The following CALN1 variants were observed in gnomAD, a reference collection of about 807,000 sequenced individuals.
CALN1 encodes calneuron 1, also known as calcium-binding protein 8.
A neutral mutation model predicts 30.6 loss-of-function variants in CALN1; 17 were observed. That is an observed-to-expected ratio of 0.56 (90% CI 0.38 to 0.83). The LOEUF (loss-of-function observed/expected upper bound fraction) is 0.83. CALN1 is among the 40% of genes least tolerant of loss of function. The pLI is 0.00. For synonymous variants in CALN1, 156 were observed against 131.4 expected, an observed-to-expected ratio of 1.19 and a Z score of -1.28; for missense variants, 291 against 354.9, an observed-to-expected ratio of 0.82 and a Z score of 1.45.
At chr7:72,067,801 C>T (rs755894526) in intron 4 of CALN1, among the ~76,000 whole-genome samples, 4 of 134,278 alleles carry the variant, frequency 3.0e-5, no homozygotes, top group Non-Finnish European at 7.1e-5. Context: ...CCAGCAAGGG[C>T]TGACCTCAGA....
At chr7:72,082,882 G>T (rs1316358426) in intron 4 of CALN1, among the ~76,000 whole-genome samples, 2 of 152,142 alleles carry the variant, frequency 1.3e-5, no homozygotes, top group African/African-American at 2.4e-5. Context: ...GCAGTATCTG[G>T]CATTCAATCA....
intron 5 of CALN1, among the ~76,000 whole-genome samples, chr7:71,842,487 T>C (rs1183717914): frequency 3.3e-5 from 5 of 152,220 alleles, no homozygotes; most frequent in Admixed American, 3.3e-4. Context: ...GCTGATTTCT[T>C]CCTGGGATTC....
At chr7:71,955,733 C>G (rs1796926980) in intron 5 of CALN1, among the ~76,000 whole-genome samples, 2 of 152,066 alleles carry the variant, frequency 1.3e-5, no homozygotes, top group African/African-American at 4.8e-5. Flanking sequence ...TGTTCTGGAA[C>G]TCAGGAGATC....
Position 72,052,739 on chromosome 7 carries a change from T to G in CALN1, c.389-28970A>C, listed in dbSNP as rs566089347. Among the ~76,000 whole-genome samples, 5 of 152,270 alleles carry G rather than the reference T, an allele frequency of 3.3e-5. No homozygotes were observed. In the East Asian group the frequency reaches 7.8e-4, roughly 24 times the overall value. ...TCACTTCAGTCTCAGAAATGACAAC[T>G]CACCCCGTCTCAGTGACCAGAGACA... On this transcript the variant is annotated intron_variant, in intron 4 of 6. Transcript: ENST00000395275.
intron 4 of CALN1, among the ~76,000 whole-genome samples, chr7:72,086,635 T>C (rs545213419): frequency 3.9e-5 from 6 of 152,282 alleles, no homozygotes; most frequent in Admixed American, 2.6e-4. Context: ...GGTTTCAGCA[T>C]GTTGGTCAGG....
intron 3 of CALN1, among the ~76,000 whole-genome samples, chr7:72,225,955 G>T (rs1347856702): frequency 1.3e-5 from 2 of 151,994 alleles, no homozygotes; most frequent in East Asian, 2.0e-4. Flanking sequence ...AATTAGCCGG[G>T]TGTGGTGGCA....
chr7:72,374,111 G>T (rs1177047575), intron 2 of CALN1, among the ~76,000 whole-genome samples: 1 of 152,168 alleles, frequency 6.6e-6, no homozygotes, highest in Admixed American at 6.5e-5. Flanking sequence ...TAAAACAATT[G>T]CTAAACGAGG....
intron 4 of CALN1, among the ~76,000 whole-genome samples, chr7:72,048,786 CTCCT>C (rs1261893332): frequency 6.7e-6 from 1 of 150,140 alleles, no homozygotes; most frequent in Non-Finnish European, 1.5e-5. Context: ...CCCTCCCTTC[CTCCT>C]TCCTTTTTTC....
chr7:72,290,941 G>A (rs561901296), intron 2 of CALN1, among the ~76,000 whole-genome samples: 4 of 94,132 alleles, frequency 4.2e-5, no homozygotes, highest in African/African-American at 1.9e-4. Flanking sequence ...TTTTTTTTTT[G>A]AGACAGAGAT....
chr7:71,912,566 A>C (rs1794480259), intron 5 of CALN1, among the ~76,000 whole-genome samples: 1 of 152,168 alleles, frequency 6.6e-6, no homozygotes, highest in African/African-American at 2.4e-5. Flanking sequence ...GGAATTTTTA[A>C]AACAATCCAC....
At chr7:72,448,530 G>C (rs1210564423), upstream of CALN1, among the ~76,000 whole-genome samples, 2 of 152,018 alleles carry the variant, frequency 1.3e-5, no homozygotes, top group East Asian at 3.9e-4. Context: ...CCTCACAATA[G>C]CTCATTGCAC....
At chr7:71,862,059 G>A (rs1791318200) in intron 5 of CALN1, among the ~76,000 whole-genome samples, 1 of 152,148 alleles carries the variant, frequency 6.6e-6, no homozygotes, top group Non-Finnish European at 1.5e-5. Context: ...CTAAGACGTG[G>A]CCATCTCATC....
At chr7:72,031,868 A>G (rs530534246) in intron 4 of CALN1, among the ~76,000 whole-genome samples, 62 of 151,336 alleles carry the variant, frequency 4.1e-4, no homozygotes, top group Admixed American at 1.5e-3. Context: ...CAGCCTCCCA[A>G]GTAGCTGTGA....
At chr7:72,184,216 T>C (rs1167108911) in intron 3 of CALN1, among the ~76,000 whole-genome samples, 1 of 152,200 alleles carries the variant, frequency 6.6e-6, no homozygotes, top group Admixed American at 6.6e-5. Flanking sequence ...CGTTGACATA[T>C]CTGGAGCCAT....
intron 2 of CALN1, among the ~76,000 whole-genome samples, chr7:72,322,897 A>T (rs920112675): frequency 4.6e-5 from 7 of 152,068 alleles, no homozygotes; most frequent in Non-Finnish European, 1.0e-4. Context: ...GCATGCCTGT[A>T]TCAAAATATC....
intron 5 of CALN1, among the ~76,000 whole-genome samples, chr7:71,994,511 CAAAAAAAAA>C (rs367725464): frequency 0.011 from 505 of 44,026 alleles, 1 homozygote; most frequent in Non-Finnish European, 0.018. Flanking sequence ...GACTTCATCT[CAAAAAAAAA>C]AAAAAAAAAA....
In CALN1 at chr7:72,098,179, G is replaced by T. The variant is rs144118328; in HGVS notation, c.388+7972C>A. 4.2e-3 allele frequency among the ~76,000 whole-genome samples: 638 copies of T among 152,270 alleles called. 5 individuals are homozygous for T. Among genetic ancestry groups the T allele is most frequent in the African/African-American group, 0.014 (580 of 41,556 alleles). On this transcript the variant is annotated intron_variant, in intron 4 of 6. Transcript: ENST00000395275. ...GCAGGCTTCCAGAATCAGGGCTGAT[G>T]GAGGGATCCTGGCCCCCAAAAAAGG...
At chr7:72,120,809 A>C (rs1473995995) in intron 3 of CALN1, among the ~76,000 whole-genome samples, 1 of 152,110 alleles carries the variant, frequency 6.6e-6, no homozygotes, top group African/African-American at 2.4e-5. Context: ...ATTATGTCTG[A>C]AAAAGGCCTG....
Position 72,120,327 on chromosome 7 carries a change from T to G in CALN1, c.245-14033A>C, listed in dbSNP as rs1808291507. On this transcript the variant is annotated intron_variant, in intron 3 of 6. Coordinates refer to ENST00000395275, the MANE Select transcript of CALN1 (RefSeq NM_031468.4). ...CTCTATATAGCTTTATATCATTTTTTTCACTTAACACACTCAATTTTCAAT... is the reference window on the plus strand; with the variant it reads ...CTCTATATAGCTTTATATCATTTTTGTCACTTAACACACTCAATTTTCAAT... Among the ~76,000 whole-genome samples, 3 of 152,198 alleles carry G rather than the reference T, an allele frequency of 2.0e-5. No homozygotes were observed. The South Asian group carries it at 6.2e-4, about 32-fold the overall frequency.
Sources: gnomAD v4.1 joint callset for allele counts (sites outside exome capture counted in the v4.1 genomes callset) on GRCh38, gnomAD v4.1.1 for gene constraint, MANE v1.5 for transcripts, NCBI Gene and HGNC (gene_info 2026-07-23, HGNC 2026-07-21) for gene names.